METTL15: variants seen among roughly 807,000 people sequenced by gnomAD.
METTL15 encodes the protein methyltransferase 15, mitochondrial 12S rRNA N4-cytidine, also known as 12S rRNA N(4)-cytidine methyltransferase METTL15.
Under a neutral mutation model 38.3 loss-of-function variants are expected in METTL15, and 34 were observed. The ratio of observed to expected loss-of-function variants is 0.89; its 90% confidence interval spans 0.68 to 1.18. The LOEUF (loss-of-function observed/expected upper bound fraction) is 1.18, where lower values mean the gene tolerates loss of function less well. Ranked by LOEUF, METTL15 falls within the 50% of genes most tolerant of loss-of-function variation. METTL15 has a pLI of 0.00. For synonymous variants in METTL15, 162 were observed against 170.9 expected, an observed-to-expected ratio of 0.95 and a Z score of 0.41; for missense variants, 438 against 498.4, an observed-to-expected ratio of 0.88 and a Z score of 1.15.
chr11:28,235,282 G>A (rs1333612537), intron 4 of METTL15, among the ~76,000 whole-genome samples: 17 of 152,114 alleles, frequency 1.1e-4, no homozygotes, highest in Middle Eastern at 3.4e-3. Context: ...TTGACTTGGC[G>A]ATGCGGGCTC....
chr11:28,470,822 C>G (rs532877297), intron 6 of METTL15, among the ~76,000 whole-genome samples: 1 of 152,034 alleles, frequency 6.6e-6, no homozygotes, highest in Non-Finnish European at 1.5e-5. Flanking sequence ...ACATTTTCCA[C>G]GAAAAATTCC....
intron 6 of METTL15, among the ~76,000 whole-genome samples, chr11:28,460,746 C>T (rs1312841429): frequency 2.6e-5 from 4 of 151,718 alleles, no homozygotes; most frequent in Non-Finnish European, 4.4e-5. Flanking sequence ...GAGTGAGGGG[C>T]TAAATATTTG....
intron 4 of METTL15, among the ~76,000 whole-genome samples, chr11:28,243,170 C>A (rs1365112902): frequency 6.6e-6 from 1 of 151,440 alleles, no homozygotes; most frequent in African/African-American, 2.4e-5. Context: ...AAGATAAATG[C>A]CAAAGAGGAG....
In METTL15 at chr11:28,207,163, G is replaced by C. The variant is rs371458602; in HGVS notation, c.271-3899G>C. ...ACACTATATTGAGTAGGAGTGGTGA[G>C]AGAGGGCATCCGTGTCTTGTGCCAG... On this transcript the variant is annotated intron_variant, in intron 3 of 6. Coordinates refer to ENST00000407364, the MANE Select transcript of METTL15 (RefSeq NM_001113528.2). 5.3e-5 allele frequency among the ~76,000 whole-genome samples: 8 copies of C among 150,732 alleles called. No homozygotes were observed. In the East Asian group the frequency reaches 1.6e-3, roughly 31 times the overall value.
intron 5 of METTL15, among the ~76,000 whole-genome samples, chr11:28,422,878 C>T (rs1850832780): frequency 6.6e-6 from 1 of 151,658 alleles, no homozygotes; most frequent in Non-Finnish European, 1.5e-5. Context: ...TTCTTCATAG[C>T]AAAGGAAACA....
At chr11:28,135,758 T>C (rs567095434) in intron 3 of METTL15, among the ~76,000 whole-genome samples, 21 of 152,298 alleles carry the variant, frequency 1.4e-4, no homozygotes, top group Non-Finnish European at 3.1e-4. Context: ...GAAATAAATA[T>C]CCTCCAAATT....
intron 3 of METTL15, chr11:28,145,452 T>G (rs1408723238): frequency 6.6e-6 from 1 of 152,110 alleles, no homozygotes; most frequent in Non-Finnish European, 1.5e-5. Context: ...ATTGGTAATT[T>G]GTTTGGGAAC....
chr11:28,345,352 C>T (rs1564902079), intron 3 of METTL15, among the ~76,000 whole-genome samples: 1 of 152,052 alleles, frequency 6.6e-6, no homozygotes, highest in Non-Finnish European at 1.5e-5. Flanking sequence ...CCACGCCCGG[C>T]TAATTTTTTG....
chr11:28,200,398 A>G (rs1312471818), intron 3 of METTL15, among the ~76,000 whole-genome samples: 2 of 152,158 alleles, frequency 1.3e-5, no homozygotes, highest in African/African-American at 4.8e-5. Flanking sequence ...GTATAAAATG[A>G]ATGAATGGTA....
At chr11:28,502,685 GAAAT>G (rs1056474048) in intron 6 of METTL15, among the ~76,000 whole-genome samples, 1 of 152,112 alleles carries the variant, frequency 6.6e-6, no homozygotes, top group Non-Finnish European at 1.5e-5. Flanking sequence ...AGTGTAAAAA[GAAAT>G]AATTTTTTTC....
chr11:28,421,184 A>G (rs1443413025), intron 5 of METTL15, among the ~76,000 whole-genome samples: 1 of 152,050 alleles, frequency 6.6e-6, no homozygotes, highest in Non-Finnish European at 1.5e-5. Flanking sequence ...ACCGGAACAG[A>G]GCAATAGCAA....
At chr11:28,325,159 T>C (rs1849593592) in intron 6 of METTL15, among the ~76,000 whole-genome samples, 1 of 152,314 alleles carries the variant, frequency 6.6e-6, no homozygotes, top group Non-Finnish European at 1.5e-5. Flanking sequence ...AGGGCAATTA[T>C]ACCTTTTACA....
intron 6 of METTL15, among the ~76,000 whole-genome samples, chr11:28,508,070 G>T (rs115126132): frequency 6.6e-6 from 1 of 151,900 alleles, no homozygotes; most frequent in African/African-American, 2.4e-5. Context: ...ATTTTTTCCC[G>T]TCCTGTACTA....
intron 6 of METTL15, among the ~76,000 whole-genome samples, chr11:28,427,965 TG>T (rs1850880429): frequency 6.6e-6 from 1 of 152,112 alleles, no homozygotes. Flanking sequence ...TGAACAGGAG[TG>T]ATGAGAGAGA....
At chr11:28,209,687 G>T (rs1195036533) in intron 3 of METTL15, among the ~76,000 whole-genome samples, 2 of 151,884 alleles carry the variant, frequency 1.3e-5, no homozygotes, top group African/African-American at 4.8e-5. Flanking sequence ...TAACTTTTAT[G>T]AGGACTTGAT....
chr11:28,209,564 G>T (rs932196953), intron 3 of METTL15, among the ~76,000 whole-genome samples: 1 of 152,028 alleles, frequency 6.6e-6, no homozygotes, highest in East Asian at 1.9e-4. Context: ...CAACATTTGT[G>T]TTAAAAAGCA....
At chr11:28,529,105 G>A (rs550674941), downstream of METTL15, among the ~76,000 whole-genome samples, 101 of 152,274 alleles carry the variant, frequency 6.6e-4, no homozygotes, top group African/African-American at 2.1e-3. Flanking sequence ...ATCTGCTTAC[G>A]TTGAGAAGAG....
intron 4 of METTL15, among the ~76,000 whole-genome samples, chr11:28,237,875 C>A (rs1590203345): frequency 6.6e-6 from 1 of 152,176 alleles, no homozygotes; most frequent in East Asian, 1.9e-4. Context: ...CCACTCCAGA[C>A]CCTGTTTGCC....
intron 6 of METTL15, among the ~76,000 whole-genome samples, chr11:28,434,875 G>T (rs1330303166): frequency 6.6e-6 from 1 of 151,964 alleles, no homozygotes; most frequent in East Asian, 1.9e-4. Context: ...ATTCCCTTCA[G>T]CAGGCTAGCC....
Sources: allele counts gnomAD v4.1 joint callset (sites outside exome capture counted in the v4.1 genomes callset), GRCh38; gene constraint gnomAD v4.1.1; transcripts MANE v1.5; gene names NCBI Gene and HGNC (gene_info 2026-07-23, HGNC 2026-07-21).